Variants in ZC3H13 observed in about 807,000 individuals in gnomAD.
The protein encoded by ZC3H13 is zinc finger CCCH domain-containing protein 13.
In ZC3H13, 64 loss-of-function variants were observed where a neutral mutation model predicts 204.1. That is an observed-to-expected ratio of 0.31 (90% CI 0.26 to 0.39). ZC3H13 has a LOEUF of 0.39. ZC3H13 is among the 10% of genes least tolerant of loss of function. ZC3H13 has a pLI of 1.00. For synonymous variants in ZC3H13, 667 were observed against 693.7 expected, an observed-to-expected ratio of 0.96 and a Z score of 0.60; for missense variants, 1,833 against 2,082.7, an observed-to-expected ratio of 0.88 and a Z score of 2.33.
At chr13:46,033,521 C>T (rs2043026767) in intron 4 of ZC3H13, among the ~76,000 whole-genome samples, 1 of 151,892 alleles carries the variant, frequency 6.6e-6, no homozygotes, top group African/African-American at 2.4e-5. Flanking sequence ...CTAATAAAAT[C>T]AAAGTTAAGT....
chr13:45,978,055 T>C (rs1362020454), intron 11 of ZC3H13, among the ~76,000 whole-genome samples: 1 of 152,134 alleles, frequency 6.6e-6, no homozygotes, highest in Non-Finnish European at 1.5e-5. Context: ...TGCTGCACCC[T>C]CTCCCTGTAA....
rs1040813293 is a variant in ZC3H13, at chr13:45,983,418, T to A, written c.1720+1879A>T. 2.5e-3 allele frequency among the ~76,000 whole-genome samples: 153 copies of A among 60,990 alleles called. 3 individuals carry two copies. The highest frequency in any genetic ancestry group is 7.6e-3 in the African/African-American group (75 of 9,890). The allele number at this position is 60,990 out of a possible 152,430, so 40.0% of individuals were successfully genotyped here. A position where few individuals can be genotyped will look rare whatever the true frequency, so the allele number is the denominator to read the frequency against. On this transcript the variant is annotated intron_variant, in intron 10 of 18. Coordinates refer to ENST00000679008, the MANE Select transcript of ZC3H13 (RefSeq NM_001330564.2). The stretch of plus-strand genomic sequence containing the variant: ...CCTTCTACTTATATATATATATTTT[T>A]TTTTTTTTTTTTTTTTTTTTTTTTT...
intron 7 of ZC3H13, chr13:46,010,094 A>G (rs1057325792): frequency 1.9e-5 from 5 of 261,126 alleles, no homozygotes; most frequent in African/African-American, 2.2e-5. Context: ...AGAGAGGAAC[A>G]GGAAATGTAT....
chr13:45,961,694 C>A (rs1384595679), intron 17 of ZC3H13, among the ~76,000 whole-genome samples: 3 of 151,256 alleles, frequency 2.0e-5, no homozygotes, highest in Non-Finnish European at 4.4e-5. Flanking sequence ...CTGTTATTGT[C>A]AATAACAATT....
intron 4 of ZC3H13, among the ~76,000 whole-genome samples, chr13:46,031,674 A>T (rs1437298133): frequency 6.6e-6 from 1 of 152,200 alleles, no homozygotes; most frequent in African/African-American, 2.4e-5. Flanking sequence ...AGTATATGAA[A>T]AGACGCTCAA....
intron 5 of ZC3H13, among the ~76,000 whole-genome samples, chr13:46,019,297 A>C (rs575893257): frequency 5.3e-5 from 8 of 152,274 alleles, no homozygotes; most frequent in African/African-American, 1.9e-4. Flanking sequence ...TGTAGCTCAA[A>C]AGCAGCCACA....
At chr13:46,021,608 C>T (rs2042223806) in intron 4 of ZC3H13, among the ~76,000 whole-genome samples, 1 of 151,770 alleles carries the variant, frequency 6.6e-6, no homozygotes, top group Non-Finnish European at 1.5e-5. Flanking sequence ...CATATTTAGG[C>T]ATGAAGTCAT....
chr13:45,980,039 A>G (rs1411729674), intron 10 of ZC3H13, 35 bp from the exon 11 acceptor site: 1 of 1,534,690 alleles, frequency 6.5e-7, no homozygotes. Flanking sequence ...TGTTTACCAC[A>G]TACACTTTAT....
At chr13:45,978,052 C>T (rs1953214153) in intron 11 of ZC3H13, among the ~76,000 whole-genome samples, 1 of 152,112 alleles carries the variant, frequency 6.6e-6, no homozygotes, top group Admixed American at 6.5e-5. Context: ...ACATGCTGCA[C>T]CCTCTCCCTG....
rs147609394 is a variant in ZC3H13 at position 46,052,133 on chromosome 13, G to C, written c.-10+271C>G. The stretch of plus-strand genomic sequence containing the variant: ...GCACACAAATACGAACACCATACAA[G>C]GGTTCCCGTGCTTACATCAAATGGT... On this transcript the variant is annotated intron_variant, in intron 1 of 18. Coordinates refer to ENST00000679008, the MANE Select transcript of ZC3H13 (RefSeq NM_001330564.2). 1,146 of 163,086 alleles carry C rather than the reference G, an allele frequency of 7.0e-3. 12 individuals are homozygous for C. The highest frequency in any genetic ancestry group is 0.025 in the African/African-American group (1,059 of 41,898). 10.1% of individuals were successfully genotyped at this position (163,086 alleles called of 1,614,324 possible).
In ZC3H13 at chr13:45,967,910, A is replaced by C; in HGVS notation, c.3915T>G (p.Tyr1305Ter). 6.2e-7 allele frequency: 1 copy of C among 1,613,878 alleles called. No individual in the cohort carries two copies. Among genetic ancestry groups the C allele is most frequent in the Non-Finnish European group, 8.5e-7 (1 of 1,179,926 alleles). The change falls in exon 15 of 19, where the codon TAT becomes TAG. Residue 1305 changes from tyrosine to a stop codon, truncating the protein, a stop_gained. Coordinates refer to ENST00000679008, the MANE Select transcript of ZC3H13 (RefSeq NM_001330564.2). LOFTEE classifies it high-confidence loss of function. ...SRDRLQERDR[Y>*]EHDRERERER... Reference sequence around the variant, plus strand: ...CTCTCTCGCGCTCTCTGTCGTGTTCATATCGATCTCGTTCTTGAAGCCTGT... The same window carrying C: ...CTCTCTCGCGCTCTCTGTCGTGTTCCTATCGATCTCGTTCTTGAAGCCTGT...
intron 12 of ZC3H13, among the ~76,000 whole-genome samples, chr13:45,972,912 G>A (rs1445685259): frequency 1.3e-5 from 2 of 152,206 alleles, no homozygotes; most frequent in Non-Finnish European, 2.9e-5. Context: ...AGGCCAGGGG[G>A]TCAAGTGGAG....
intron 4 of ZC3H13, among the ~76,000 whole-genome samples, chr13:46,024,681 G>A (rs61953335): frequency 0.25 from 37,788 of 150,884 alleles, 5,114 homozygotes; most frequent in South Asian, 0.33. Flanking sequence ...CATCAATTAC[G>A]GAAAATTCTC....
intron 4 of ZC3H13, among the ~76,000 whole-genome samples, chr13:46,035,440 C>G (rs1471962962): frequency 6.6e-6 from 1 of 152,186 alleles, no homozygotes; most frequent in African/African-American, 2.4e-5. Flanking sequence ...GCAGATCATA[C>G]TAGGCTAAAC....
At chr13:45,980,323 C>T (rs1204474022) in intron 10 of ZC3H13, among the ~76,000 whole-genome samples, 1 of 151,974 alleles carries the variant, frequency 6.6e-6, no homozygotes, top group African/African-American at 2.4e-5. Flanking sequence ...ATATTTAATT[C>T]ACAGATATAT....
At chr13:46,020,374 G>A in intron 5 of ZC3H13, 75 bp downstream of exon 5, 1 of 1,082,014 alleles carries the variant, frequency 9.2e-7, no homozygotes, top group Non-Finnish European at 1.4e-6. Flanking sequence ...GTCGAAAGGT[G>A]TTCTGAAGCC....
intron 12 of ZC3H13, among the ~76,000 whole-genome samples, chr13:45,971,890 C>T (rs1405866131): frequency 2.0e-5 from 3 of 151,756 alleles, no homozygotes; most frequent in East Asian, 1.9e-4. Context: ...AGCCAACAAA[C>T]GTATGAAAAA....
rs1213128142 is a variant in ZC3H13, at chr13:46,034,318, A to C, written c.339+7846T>G. On this transcript the variant is annotated intron_variant, in intron 4 of 18. Coordinates refer to ENST00000679008, the MANE Select transcript of ZC3H13 (RefSeq NM_001330564.2). ...TTACCAAAAGAAAACTTTTCCACACAAAAACATATATACACATGTTGATAG... is the reference window on the plus strand; with the variant it reads ...TTACCAAAAGAAAACTTTTCCACACCAAAACATATATACACATGTTGATAG... 2.6e-5 allele frequency among the ~76,000 whole-genome samples: 4 copies of C among 152,222 alleles called. No homozygotes were observed. The East Asian group carries it at 7.7e-4, about 29-fold the overall frequency.
At chr13:46,028,656 G>C (rs2042690611) in intron 4 of ZC3H13, among the ~76,000 whole-genome samples, 2 of 151,890 alleles carry the variant, frequency 1.3e-5, no homozygotes, top group South Asian at 4.2e-4. Context: ...AGAAAGATTA[G>C]GAAAATCCCC....
Sources: gnomAD v4.1 joint callset for allele counts (sites outside exome capture counted in the v4.1 genomes callset) on GRCh38, gnomAD v4.1.1 for gene constraint, MANE v1.5 for transcripts, NCBI Gene and HGNC (gene_info 2026-07-23, HGNC 2026-07-21) for gene names.